Variants in PARD3B observed in about 807,000 individuals in gnomAD.
PARD3B encodes the protein par-3 family cell polarity regulator beta, also known as partitioning defective 3 homolog B.
Under a neutral mutation model 130.2 loss-of-function variants are expected in PARD3B, and 103 were observed. The observed-to-expected ratio is 0.79, with a 90% confidence interval of 0.67 to 0.93. The LOEUF is 0.93. PARD3B is among the 40% of genes least tolerant of loss of function. The pLI is 0.00. For synonymous variants in PARD3B, 583 were observed against 553.2 expected, an observed-to-expected ratio of 1.05 and a Z score of -0.76; for missense variants, 1,609 against 1,499.2, an observed-to-expected ratio of 1.07 and a Z score of -1.21.
At position 205,193,310 on chromosome 2, in the gene PARD3B, C is replaced by T; in HGVS notation, c.2130C>T (p.Ser710=). Residue 710 remains serine (S), a synonymous_variant, in exon 15 of 23, where the codon AGC becomes AGT. Coordinates refer to ENST00000406610, the MANE Select transcript of PARD3B (RefSeq NM_001302769.2). ...CAATTAATTTGAAAGCCTCGAAGAG[C>T]ATGGACCTTGGTAAGCAAGGGTGAG... The part of the protein sequence containing the change: ...PESINLKASK[S]MDLVPDESKV... 1.2e-6 allele frequency: 2 copies of T among 1,606,840 alleles called. No individual in the cohort carries two copies. The highest frequency in any genetic ancestry group is 1.7e-6 in the Non-Finnish European group (2 of 1,173,376).
intron 16 of PARD3B, among the ~76,000 whole-genome samples, chr2:205,272,752 T>C (rs2040780945): frequency 6.6e-6 from 1 of 152,206 alleles, no homozygotes; most frequent in African/African-American, 2.4e-5. Flanking sequence ...ACAAAAGACA[T>C]AATTCTGTCC....
At chr2:205,071,790 C>A (rs1440953585) in intron 4 of PARD3B, among the ~76,000 whole-genome samples, 1 of 152,022 alleles carries the variant, frequency 6.6e-6, no homozygotes, top group Non-Finnish European at 1.5e-5. Context: ...TCCAGAATTT[C>A]TGTCTTCCTA....
At chr2:205,054,436 ATTTTTTTTTT>A (rs769918623) in intron 4 of PARD3B, among the ~76,000 whole-genome samples, 46 of 28,430 alleles carry the variant, frequency 1.6e-3, no homozygotes, top group South Asian at 2.7e-3. Flanking sequence ...ATATATATAT[ATTTTTTTTTT>A]TTTTTTTTTT....
At position 205,220,877 on chromosome 2, in the gene PARD3B, T is replaced by C. The variant is rs1415487638; in HGVS notation, c.2141-24901T>C. On this transcript the variant is annotated intron_variant, in intron 15 of 22. Coordinates refer to ENST00000406610, the MANE Select transcript of PARD3B (RefSeq NM_001302769.2). ...CATGGTTTGCGTGTCCTAGGACTTG[T>C]GGTGAGGCTGGATTGGGTGAAGTAC... Among the ~76,000 whole-genome samples the C allele has an allele frequency of 2.3e-4, 35 of 151,962 alleles. 1 individual carries two copies. Among genetic ancestry groups the C allele is most frequent in the Admixed American group, 2.2e-3 (34 of 15,248 alleles).
At chr2:205,112,948 T>A (rs1381951555) in intron 5 of PARD3B, among the ~76,000 whole-genome samples, 1 of 152,212 alleles carries the variant, frequency 6.6e-6, no homozygotes, top group Non-Finnish European at 1.5e-5. Flanking sequence ...AAGTTTGAGT[T>A]TTGATTTATA....
intron 16 of PARD3B, among the ~76,000 whole-genome samples, chr2:205,271,543 A>G (rs1232856018): frequency 6.6e-6 from 1 of 152,350 alleles, no homozygotes; most frequent in East Asian, 1.9e-4. Context: ...TGAGATAACT[A>G]TTACTCTAAA....
At chr2:204,802,604 A>G (rs1364244108) in intron 2 of PARD3B, among the ~76,000 whole-genome samples, 1 of 152,232 alleles carries the variant, frequency 6.6e-6, no homozygotes, top group African/African-American at 2.4e-5. Context: ...ATGCCCATCA[A>G]TGATAGACTG....
Position 205,530,855 on chromosome 2 carries a change from C to A in PARD3B, c.3181-22469C>A, listed in dbSNP as rs541326575. 6.6e-6 allele frequency among the ~76,000 whole-genome samples: 1 copy of A among 152,234 alleles called. No individual in the cohort carries two copies. Among genetic ancestry groups the A allele is most frequent in the African/African-American group, 2.4e-5 (1 of 41,532 alleles). On this transcript the variant is annotated intron_variant, in intron 21 of 22. Transcript: ENST00000406610. This position sits in a 1 kb window ranked among gnomAD's most constrained non-coding sequence, Gnocchi z 4.7. Reference sequence around the variant, plus strand: ...ACGATGACTCTAGAGGCATGACCCACCTGGATAAGAATTGTTGTAAAGGAA... The same window carrying A: ...ACGATGACTCTAGAGGCATGACCCAACTGGATAAGAATTGTTGTAAAGGAA...
At chr2:204,726,107 T>C (rs1434824267) in intron 2 of PARD3B, among the ~76,000 whole-genome samples, 1 of 152,180 alleles carries the variant, frequency 6.6e-6, no homozygotes, top group East Asian at 1.9e-4. Flanking sequence ...TGCCTGTACA[T>C]ATAGGAAGTT....
chr2:204,982,087 T>A (rs954547431), intron 3 of PARD3B, among the ~76,000 whole-genome samples: 3 of 152,194 alleles, frequency 2.0e-5, no homozygotes, highest in African/African-American at 7.2e-5. Context: ...AAGTTGAGCC[T>A]GTCAGTGAAA....
intron 21 of PARD3B, among the ~76,000 whole-genome samples, chr2:205,522,988 T>G (rs2051148796): frequency 6.6e-6 from 1 of 151,632 alleles, no homozygotes; most frequent in South Asian, 2.1e-4. Context: ...CCATATACTG[T>G]TTGGTTCTGA....
At position 205,108,027 on chromosome 2, in the gene PARD3B, G is replaced by A. The variant is rs554637975; in HGVS notation, c.593+3513G>A. ...TTGCCTTTTGTTTCATTCTTAAAAC[G>A]CCAGCGCATTTTAGCCTATCCTCTC... On this transcript the variant is annotated intron_variant, in intron 5 of 22. Transcript: ENST00000406610. Among the ~76,000 whole-genome samples, 531 of 152,054 alleles carry A rather than the reference G, an allele frequency of 3.5e-3. 3 individuals carry two copies. The highest frequency in any genetic ancestry group is 0.012 in the African/African-American group (495 of 41,442).
At chr2:204,804,840 A>C (rs2125508775) in intron 2 of PARD3B, among the ~76,000 whole-genome samples, 1 of 152,302 alleles carries the variant, frequency 6.6e-6, no homozygotes, top group African/African-American at 2.4e-5. Flanking sequence ...AACTGTAGAA[A>C]CTATACAAAC....
At chr2:205,313,194 G>A (rs2105939801) in intron 18 of PARD3B, among the ~76,000 whole-genome samples, 1 of 152,300 alleles carries the variant, frequency 6.6e-6, no homozygotes, top group South Asian at 2.1e-4. Flanking sequence ...GGATTGTTTG[G>A]TTGGCATTTA....
At chr2:204,581,866 G>A (rs896154862) in intron 1 of PARD3B, among the ~76,000 whole-genome samples, 3 of 152,206 alleles carry the variant, frequency 2.0e-5, no homozygotes, top group Non-Finnish European at 4.4e-5. Flanking sequence ...ACCCACCCAA[G>A]TTCCAGTCCT....
rs2053731351 is a variant in PARD3B, at chr2:205,575,586, A to T, written c.3260+22183A>T. On this transcript the variant is annotated intron_variant, in intron 22 of 22. Transcript: ENST00000406610. This position sits in a 1 kb window ranked among gnomAD's most constrained non-coding sequence, Gnocchi z 4.6. The stretch of plus-strand genomic sequence containing the variant: ...CTATTGATCTTTTTGCTGTCTTCAT[A>T]GTTCTAACTTTTAGTATGTCATATG... 6.6e-6 allele frequency among the ~76,000 whole-genome samples: 1 copy of T among 152,126 alleles called. No homozygotes were observed. Among genetic ancestry groups the T allele is most frequent in the Non-Finnish European group, 1.5e-5 (1 of 68,014 alleles).
intron 2 of PARD3B, among the ~76,000 whole-genome samples, chr2:204,875,106 T>C (rs1194294071): frequency 6.6e-6 from 1 of 152,174 alleles, no homozygotes; most frequent in Non-Finnish European, 1.5e-5. Context: ...TACTAAAATA[T>C]AACTTACATA....
chr2:205,092,674 CA>C lies in PARD3B; in HGVS notation c.505-11748del, dbSNP rs1183523553. On this transcript the variant is annotated intron_variant, in intron 4 of 22. Coordinates refer to ENST00000406610, the MANE Select transcript of PARD3B (RefSeq NM_001302769.2). ...GGAGAGGAATATCGAGCAAGAGGTT[CA>C]AAACAGATTTTCTGAGATGGTGGGC... Among the ~76,000 whole-genome samples the C allele has an allele frequency of 1.6e-4, 24 of 152,162 alleles. No homozygotes were observed. The East Asian group carries it at 4.5e-3, about 28-fold the overall frequency.
intron 2 of PARD3B, among the ~76,000 whole-genome samples, chr2:204,780,974 ATC>A (rs2041817168): frequency 1.3e-5 from 2 of 152,284 alleles, no homozygotes; most frequent in South Asian, 2.1e-4. Context: ...GAAAATGGAA[ATC>A]TGTCATATTT....
Sources: allele counts gnomAD v4.1 joint callset (sites outside exome capture counted in the v4.1 genomes callset), GRCh38; gene constraint gnomAD v4.1.1; non-coding constraint Gnocchi (gnomAD v3.1); transcripts MANE v1.5; gene names NCBI Gene and HGNC (gene_info 2026-07-23, HGNC 2026-07-21).